ERAP2: variants seen among roughly 807,000 people sequenced by gnomAD.
ERAP2 encodes leukocyte-derived arginine aminopeptidase.
A neutral mutation model predicts 111.1 loss-of-function variants in ERAP2; 118 were observed. That is an observed-to-expected ratio of 1.06 (90% CI 0.92 to 1.24). The LOEUF is 1.24. Among genes scored for constraint, ERAP2 ranks in the 50% most tolerant of loss-of-function variants. ERAP2 has a pLI of 0.00. For missense variants in ERAP2, 1,131 were observed against 1,125.8 expected, an observed-to-expected ratio of 1.00 and a Z score of -0.07; for synonymous variants, 410 against 401.2, an observed-to-expected ratio of 1.02 and a Z score of -0.26.
intron 9 of ERAP2, among the ~76,000 whole-genome samples, chr5:96,898,572 C>CAAAAAAAAAAAAA (rs770783071): frequency 5.3e-5 from 5 of 94,432 alleles, no homozygotes; most frequent in African/African-American, 2.1e-4. Context: ...TACTAAAATA[C>CAAAAAAAAAAAAA]AAAAAAAAAA....
chr5:96,910,693 A>C (rs1043566428), intron 15 of ERAP2, among the ~76,000 whole-genome samples: 2 of 152,246 alleles, frequency 1.3e-5, no homozygotes, highest in Non-Finnish European at 2.9e-5. Context: ...TATTCTAGGT[A>C]AACTTATTTA....
intron 2 of ERAP2, among the ~76,000 whole-genome samples, chr5:96,882,954 T>A (rs1783309836): frequency 6.6e-6 from 1 of 152,182 alleles, no homozygotes; most frequent in Admixed American, 6.5e-5. Context: ...AAGCTTAAAG[T>A]CCAAAGAGTA....
At position 96,909,668 on chromosome 5, in the gene ERAP2, C is replaced by A. The variant is rs772736884; in HGVS notation, c.2258C>A (p.Ala753Asp). The A allele has an allele frequency of 6.2e-7, 1 of 1,614,192 alleles. No individual in the cohort carries two copies. The highest frequency in any genetic ancestry group is 8.5e-7 in the Non-Finnish European group (1 of 1,180,018). ...GSVWDRMLRS[A>D]LLKLACDLNH... ...GTCTGGGACAGGATGCTCCGCTCGG[C>A]TCTCTTGAAGCTGGCCTGTGACCTG... The change falls in exon 15 of 19, where the codon GCT (alanine) becomes GAT (aspartate). Residue 753 changes from alanine (A) to aspartate (D), a missense_variant. This residue lies in a region of ERAP2 where 279 missense variants were observed against 250.9 expected (regional missense o/e 1.11). Coordinates refer to ENST00000437043, the MANE Select transcript of ERAP2 (RefSeq NM_022350.5).
rs983197508 is a variant in ERAP2 at position 96,879,666 on chromosome 5, T to G, written c.-20T>G. The stretch of plus-strand genomic sequence containing the variant: ...CGAGATTAGCCTGGATATTAACTTG[T>G]CTTCTAGAGAATAGATTTCATGTTC... On this transcript the variant is annotated 5_prime_UTR_variant, in exon 2 of 19. Coordinates refer to ENST00000437043, the MANE Select transcript of ERAP2 (RefSeq NM_022350.5). The G allele has an allele frequency of 2.5e-6, 4 of 1,603,508 alleles. No individual in the cohort carries two copies. Among genetic ancestry groups the G allele is most frequent in the Admixed American group, 1.7e-5 (1 of 59,890 alleles).
intron 6 of ERAP2, 80 bp from the exon 7 acceptor site, chr5:96,895,166 T>A (rs1784746798): frequency 1.3e-6 from 1 of 780,012 alleles, no homozygotes; most frequent in African/African-American, 2.2e-5. Flanking sequence ...AAAAAAAAGT[T>A]AGTAACTATT....
chr5:96,912,387 C>T (rs1422654852), intron 15 of ERAP2, among the ~76,000 whole-genome samples: 1 of 151,964 alleles, frequency 6.6e-6, no homozygotes, highest in Non-Finnish European at 1.5e-5. Flanking sequence ...ATTTTCACCT[C>T]AGAGTAGGTT....
At chr5:96,900,282 T>C in intron 10 of ERAP2, 93 bp downstream of exon 10, 1 of 1,493,330 alleles carries the variant, frequency 6.7e-7, no homozygotes, top group Non-Finnish European at 8.9e-7. Context: ...CCTGTCCCTT[T>C]TAAAAGCTGG....
chr5:96,887,189 T>C (rs1022212349), intron 4 of ERAP2, among the ~76,000 whole-genome samples: 3 of 151,246 alleles, frequency 2.0e-5, no homozygotes, highest in African/African-American at 7.3e-5. Flanking sequence ...TATCAAAATA[T>C]GCCATAAAAG....
In ERAP2 at chr5:96,899,568, A is replaced by G. The variant is rs569194070; in HGVS notation, c.1504-553A>G. On this transcript the variant is annotated intron_variant, in intron 9 of 18. Coordinates refer to ENST00000437043, the MANE Select transcript of ERAP2 (RefSeq NM_022350.5). The stretch of plus-strand genomic sequence containing the variant: ...TTAAGTACTGGTTATTCAAGGGTCA[A>G]TTGCCAAGTTGGTACTTTTCTTAAT... 2.7e-4 allele frequency among the ~76,000 whole-genome samples: 41 copies of G among 152,314 alleles called. 2 individuals carry two copies. In the South Asian group the frequency reaches 7.9e-3, roughly 29 times the overall value.
intron 5 of ERAP2, among the ~76,000 whole-genome samples, chr5:96,890,792 A>G (rs1204401948): frequency 6.6e-6 from 1 of 152,166 alleles, no homozygotes; most frequent in Non-Finnish European, 1.5e-5. Flanking sequence ...TGCAGGTTCT[A>G]TATACTCTTT....
intron 9 of ERAP2, among the ~76,000 whole-genome samples, chr5:96,898,210 TAAC>T (rs1458283267): frequency 6.6e-6 from 1 of 151,582 alleles, no homozygotes; most frequent in African/African-American, 2.4e-5. Context: ...ATAATAATAA[TAAC>T]AATAATTAAT....
rs983865359 is a variant in ERAP2 at position 96,912,688 on chromosome 5, A to G, written c.2406A>G (p.Thr802=). ...TGTATTCTGTGGGTGCTCAGACAAC[A>G]GCAGGATGGAATTACCTTTTAGAGC... ...KIVYSVGAQT[T]AGWNYLLEQY... The change falls in exon 16 of 19, where the codon ACA becomes ACG. Residue 802 remains threonine, a synonymous_variant. Transcript: ENST00000437043. 4.8e-5 allele frequency: 77 copies of G among 1,610,942 alleles called. No individual in the cohort carries two copies. Among genetic ancestry groups the G allele is most frequent in the Non-Finnish European group, 6.2e-5 (73 of 1,178,960 alleles).
Position 96,880,107 on chromosome 5 carries a change from G to T in ERAP2, c.422G>T (p.Ser141Ile), listed in dbSNP as rs768410957. 34 of 1,614,040 alleles carry T rather than the reference G, an allele frequency of 2.1e-5. No individual in the cohort carries two copies. The highest frequency in any genetic ancestry group is 2.7e-5 in the Non-Finnish European group (32 of 1,180,026). ...MKPGKELKVL[S>I]YPAHEQIALL... ...CCAGGAAAAGAACTGAAAGTTTTGA[G>T]TTACCCTGCTCATGAACAAATTGCA... The change falls in exon 2 of 19, where the codon AGT (serine) becomes ATT (isoleucine). Residue 141 changes from serine to isoleucine, a missense_variant. By Grantham distance (142) the Ser-to-Ile change is moderately radical. Coordinates refer to ENST00000437043, the MANE Select transcript of ERAP2 (RefSeq NM_022350.5).
chr5:96,909,198 A>G (rs1356381386), intron 14 of ERAP2, 81 bp downstream of exon 14: 2 of 1,399,514 alleles, frequency 1.4e-6, no homozygotes, highest in African/African-American at 2.8e-5. Context: ...TTTTGTGTGA[A>G]GTCCTTGAGG....
chr5:96,909,186 T>A (rs768344662), intron 14 of ERAP2, 69 bp downstream of exon 14: 127 of 1,506,296 alleles, frequency 8.4e-5, no homozygotes, highest in Non-Finnish European at 1.1e-4. Context: ...AGGCTCAGTT[T>A]GTTTTGTGTG....
At chr5:96,885,702 G>A (rs1783646064) in intron 3 of ERAP2, among the ~76,000 whole-genome samples, 1 of 152,232 alleles carries the variant, frequency 6.6e-6, no homozygotes, top group Non-Finnish European at 1.5e-5. Context: ...CAGGGATAGA[G>A]GTGGGGAAGA....
chr5:96,900,175 A>T lies in ERAP2; in HGVS notation c.1558A>T (p.Met520Leu). The T allele has an allele frequency of 6.2e-7, 1 of 1,613,874 alleles. No homozygotes were observed. Among genetic ancestry groups the T allele is most frequent in the South Asian group, 1.1e-5 (1 of 91,082 alleles). The change falls in exon 10 of 19, where the codon ATG becomes TTG. Residue 520 changes from methionine to leucine, a missense_variant. Physicochemically the swap from Met to Leu is conservative, Grantham distance 15. Coordinates refer to ENST00000437043, the MANE Select transcript of ERAP2 (RefSeq NM_022350.5). ...TGGAGTTTGTCATTCGGATCCCAAG[A>T]TGACAAGTAACATGGTAAGGATAAA... ...SGGVCHSDPK[M>L]TSNMLAFLGE...
chr5:96,884,078 CT>C (rs760532389), intron 3 of ERAP2, 148 bp downstream of exon 3: 5 of 570,214 alleles, frequency 8.8e-6, no homozygotes, highest in African/African-American at 8.2e-5. Context: ...ATCTATCTAT[CT>C]ATCATCATAA....
intron 17 of ERAP2, among the ~76,000 whole-genome samples, chr5:96,914,016 G>A (rs140241966): frequency 1.1e-3 from 167 of 152,202 alleles, no homozygotes; most frequent in African/African-American, 3.7e-3. Context: ...TTTCAACTTT[G>A]GGGAGAACTG....
Sources: allele counts gnomAD v4.1 joint callset (sites outside exome capture counted in the v4.1 genomes callset), GRCh38; gene constraint gnomAD v4.1.1; regional missense constraint gnomAD v4.1.1; transcripts MANE v1.5; gene names NCBI Gene and HGNC (gene_info 2026-07-23, HGNC 2026-07-21).